SNTB1: variants seen among roughly 807,000 people sequenced by gnomAD.
The protein encoded by SNTB1 is beta-1-syntrophin.
In SNTB1, 36 loss-of-function variants were observed where a neutral mutation model predicts 48.9. The observed-to-expected ratio is 0.74, with a 90% confidence interval of 0.56 to 0.97. The LOEUF (loss-of-function observed/expected upper bound fraction) is 0.97, where lower values mean the gene tolerates loss of function less well. Among genes scored for constraint, SNTB1 ranks in the 50% least tolerant of loss-of-function variants. The pLI, the probability that SNTB1 is intolerant of heterozygous loss-of-function variation, is 0.00. For synonymous variants in SNTB1, 299 were observed against 294.6 expected (o/e 1.01, Z -0.15); for missense variants, 786 against 703.4 (o/e 1.12, Z -1.33).
chr8:120,738,717 A>T (rs1160335824), intron 1 of SNTB1, among the ~76,000 whole-genome samples: 1 of 152,236 alleles, frequency 6.6e-6, no homozygotes, highest in African/African-American at 2.4e-5. Context: ...GAAAATGCAC[A>T]TAAAAGTCCT....
chr8:120,580,586 C>T (rs1473678550), intron 3 of SNTB1, among the ~76,000 whole-genome samples: 2 of 152,154 alleles, frequency 1.3e-5, no homozygotes, highest in African/African-American at 2.4e-5. Flanking sequence ...AAAACGTTCA[C>T]GAAGGAAGAA....
chr8:120,734,558 TAAG>T (rs939657186), intron 1 of SNTB1, among the ~76,000 whole-genome samples: 1 of 152,104 alleles, frequency 6.6e-6, no homozygotes, highest in Non-Finnish European at 1.5e-5. Context: ...ACAGCAAGAC[TAAG>T]AAGTAGGTGT....
chr8:120,744,195 G>C (rs552301013), intron 1 of SNTB1, among the ~76,000 whole-genome samples: 2 of 150,738 alleles, frequency 1.3e-5, no homozygotes, highest in Non-Finnish European at 2.9e-5. Flanking sequence ...TCTTCACTTC[G>C]ATTTATTTCC....
At chr8:120,688,150 T>C (rs1040082683) in intron 2 of SNTB1, among the ~76,000 whole-genome samples, 2 of 152,190 alleles carry the variant, frequency 1.3e-5, no homozygotes, top group African/African-American at 4.8e-5. Context: ...TGTAAATCTT[T>C]CCATAATTTA....
In SNTB1 at chr8:120,781,483, T is replaced by G. The variant is rs559159275; in HGVS notation, c.571+29790A>C. ...CTACATATTCACTTACTTTGGCTTA[T>G]GTAATAAAGATATTTGAATTTAGAC... On this transcript the variant is annotated intron_variant, in intron 1 of 6. Transcript: ENST00000517992. 2.0e-5 allele frequency among the ~76,000 whole-genome samples: 3 copies of G among 152,284 alleles called. No homozygotes were observed. The East Asian group carries it at 5.8e-4, about 29-fold the overall frequency.
chr8:120,601,912 T>A (rs1816428338), intron 3 of SNTB1, among the ~76,000 whole-genome samples: 1 of 152,190 alleles, frequency 6.6e-6, no homozygotes. Flanking sequence ...TCTACGGTAA[T>A]AAAGGTGAGA....
Position 120,536,903 on chromosome 8 carries a change from A to C in SNTB1, c.*1974T>G, listed in dbSNP as rs1385965627. 6.6e-6 allele frequency: 1 copy of C among 151,690 alleles called. No homozygotes were observed. The highest frequency in any genetic ancestry group is 1.5e-5 in the Non-Finnish European group (1 of 67,838). The allele number at this position is 151,690 out of a possible 1,614,324, so 9.4% of individuals were successfully genotyped here. A position where few individuals can be genotyped will look rare whatever the true frequency, so the allele number is the denominator to read the frequency against. On this transcript the variant is annotated 3_prime_UTR_variant, in exon 7 of 7. Transcript: ENST00000517992. ...GAGCACCTTAGATTACATATTGTTG[A>C]ATTTAACTATTGGCATTAATATATG...
chr8:120,569,625 G>A (rs1210575248), intron 4 of SNTB1, among the ~76,000 whole-genome samples: 1 of 152,224 alleles, frequency 6.6e-6, no homozygotes, highest in Non-Finnish European at 1.5e-5. Flanking sequence ...GGAATGTACA[G>A]CTCCAGTCAC....
intron 1 of SNTB1, among the ~76,000 whole-genome samples, chr8:120,725,731 T>C (rs1818742420): frequency 6.6e-6 from 1 of 152,204 alleles, no homozygotes; most frequent in African/African-American, 2.4e-5. Context: ...TGTTCCACCA[T>C]ACACAATATT....
At chr8:120,559,608 C>A (rs1016641365) in intron 4 of SNTB1, among the ~76,000 whole-genome samples, 3 of 152,226 alleles carry the variant, frequency 2.0e-5, no homozygotes, top group Non-Finnish European at 4.4e-5. Flanking sequence ...TATCAGATTG[C>A]ATATTGTTTC....
chr8:120,773,086 T>C (rs1819668425), intron 1 of SNTB1, among the ~76,000 whole-genome samples: 1 of 151,920 alleles, frequency 6.6e-6, no homozygotes, highest in African/African-American at 2.4e-5. Context: ...AAAAGCCCAC[T>C]GAGGACATAC....
chr8:120,645,380 A>G (rs995213198), intron 2 of SNTB1, among the ~76,000 whole-genome samples: 10 of 148,304 alleles, frequency 6.7e-5, no homozygotes, highest in African/African-American at 2.5e-4. Context: ...CTTTCTACAT[A>G]TGGCTAGCCA....
chr8:120,653,931 C>T lies in SNTB1; in HGVS notation c.789-21280G>A, dbSNP rs191362412. 3.2e-3 allele frequency among the ~76,000 whole-genome samples: 478 copies of T among 149,304 alleles called. 4 individuals are homozygous for T. Among genetic ancestry groups the T allele is most frequent in the African/African-American group, 0.012 (468 of 40,486 alleles). ...GTGGGTGCCTGTAGTCCCAGCTACT[C>T]GGGGGGTCTGAGGCAGGAGAATGGC... On this transcript the variant is annotated intron_variant, in intron 2 of 6. Coordinates refer to ENST00000517992, the MANE Select transcript of SNTB1 (RefSeq NM_021021.4).
chr8:120,680,944 A>AGTCG (rs1817920540), intron 2 of SNTB1, among the ~76,000 whole-genome samples: 1 of 112,938 alleles, frequency 8.9e-6, no homozygotes, highest in African/African-American at 6.0e-5. Context: ...GTATTGATGA[A>AGTCG]GTCATAGAAC....
Position 120,645,608 on chromosome 8 carries a change from G to A in SNTB1, c.789-12957C>T, listed in dbSNP as rs1307146432. Among the ~76,000 whole-genome samples, 9 of 139,602 alleles carry A rather than the reference G, an allele frequency of 6.4e-5. 1 individual carries two copies. The highest frequency in any genetic ancestry group is 9.3e-5 in the Non-Finnish European group (6 of 64,220). 91.6% of individuals were successfully genotyped at this position (139,602 alleles called of 152,430 possible). A position where few individuals can be genotyped will look rare whatever the true frequency, so the allele number is the denominator to read the frequency against. ...GAAGTCAGGTAGTGTGATGCCTCCAGCTTTGTTCTTTTGGCTTAGGATTGA... is the reference window on the plus strand; with the variant it reads ...GAAGTCAGGTAGTGTGATGCCTCCAACTTTGTTCTTTTGGCTTAGGATTGA... On this transcript the variant is annotated intron_variant, in intron 2 of 6. Transcript: ENST00000517992.
At chr8:120,668,288 G>T (rs1390495015) in intron 2 of SNTB1, among the ~76,000 whole-genome samples, 1 of 152,204 alleles carries the variant, frequency 6.6e-6, no homozygotes, top group Non-Finnish European at 1.5e-5. Context: ...TCTCTCAGGA[G>T]TCATTGCCTG....
intron 2 of SNTB1, among the ~76,000 whole-genome samples, chr8:120,653,332 A>T (rs1817439634): frequency 6.6e-6 from 1 of 152,188 alleles, no homozygotes; most frequent in East Asian, 1.9e-4. Flanking sequence ...GCAGAAAAGA[A>T]GGTGATGTGA....
chr8:120,750,314 A>G (rs1031613273), intron 1 of SNTB1, among the ~76,000 whole-genome samples: 6 of 152,152 alleles, frequency 3.9e-5, no homozygotes, highest in African/African-American at 1.4e-4. Context: ...TATACAATTA[A>G]TCATTTTATG....
At chr8:120,729,806 A>G (rs1396967559) in intron 1 of SNTB1, among the ~76,000 whole-genome samples, 1 of 152,232 alleles carries the variant, frequency 6.6e-6, no homozygotes, top group Non-Finnish European at 1.5e-5. Flanking sequence ...TAGTGATGCC[A>G]CTGAAAAACA....
Sources: gnomAD v4.1 joint callset for allele counts (sites outside exome capture counted in the v4.1 genomes callset) on GRCh38, gnomAD v4.1.1 for gene constraint, MANE v1.5 for transcripts, NCBI Gene and HGNC (gene_info 2026-07-23, HGNC 2026-07-21) for gene names.